The following MYL4 variants were observed in gnomAD, a reference collection of about 807,000 sequenced individuals.
MYL4 encodes atrial myosin light chain 1.
Under a neutral mutation model 21.6 loss-of-function variants are expected in MYL4, and 16 were observed. The observed-to-expected ratio is 0.74, with a 90% CI of 0.50 to 1.12. The LOEUF (loss-of-function observed/expected upper bound fraction) is 1.12. Among genes scored for constraint, MYL4 ranks in the 50% most tolerant of loss-of-function variants. The pLI is 0.00. For missense variants in MYL4, 249 were observed against 252.9 expected, an observed-to-expected ratio of 0.98 and a Z score of 0.11; for synonymous variants, 82 against 95.7, an observed-to-expected ratio of 0.86 and a Z score of 0.83.
Position 47,219,908 on chromosome 17 carries a change from CA to C in MYL4, c.171del (p.Glu58ArgfsTer14), listed in dbSNP as rs2064842059. On this transcript the variant is annotated frameshift_variant, in exon 3 of 7. Transcript: ENST00000393450. LOFTEE classifies it high-confidence loss of function. Reference sequence around the variant, plus strand: ...AGCTGGGTCTTCTCTCCACAGAGTTCAAAGAGGCCTTTTCATTGTTTGACCG... The same window carrying C: ...AGCTGGGTCTTCTCTCCACAGAGTTCAAGAGGCCTTTTCATTGTTTGACCG... ...DFTADQIEEF[K>X]EAFSLFDRTP... 1.2e-6 allele frequency: 2 copies of C among 1,614,212 alleles called. No individual in the cohort carries two copies. The highest frequency in any genetic ancestry group is 4.5e-5 in the East Asian group (2 of 44,882).
upstream of MYL4, chr17:47,200,439 G>C (rs547536945): frequency 2.0e-5 from 3 of 152,118 alleles, no homozygotes; most frequent in Non-Finnish European, 4.4e-5. Flanking sequence ...AGTTCTGCCA[G>C]CTCCCATGGT....
chr17:47,190,347 A>T, the MYL4 span, among the ~76,000 whole-genome samples: 1 of 152,208 alleles, frequency 6.6e-6, no homozygotes. Context: ...TCTAGCATGC[A>T]ATGTAGACTC....
upstream of MYL4, among the ~76,000 whole-genome samples, chr17:47,206,213 G>C (rs778714631): frequency 1.3e-5 from 2 of 152,096 alleles, no homozygotes; most frequent in Non-Finnish European, 2.9e-5. Context: ...CAGTATTTGC[G>C]TGATTTTGGA....
At chr17:47,219,257 G>A (rs1397855129) in intron 2 of MYL4, among the ~76,000 whole-genome samples, 2 of 152,214 alleles carry the variant, frequency 1.3e-5, no homozygotes, top group South Asian at 2.1e-4. Flanking sequence ...TCCACACACT[G>A]CGACCTCCCT....
rs373421058 is a variant in MYL4, at chr17:47,222,410, A to G, written c.518A>G (p.Gln173Arg). The G allele has an allele frequency of 1.6e-5, 26 of 1,614,070 alleles. No homozygotes were observed. The highest frequency in any genetic ancestry group is 2.2e-5 in the Non-Finnish European group (26 of 1,180,032). Residue 173 changes from glutamine to arginine, a missense_variant, in exon 5 of 7, where the codon CAG becomes CGG. Gln to Arg is a conservative substitution (Grantham distance 43). Transcript: ENST00000393450. The stretch of plus-strand genomic sequence containing the variant: ...AAGATGACTGAGGCTGAAGTGGAGC[A>G]GCTGTTAGCTGGGCAAGAGGATGCC... ...GEKMTEAEVE[Q>R]LLAGQEDANG...
rs1157666857 is a variant in MYL4, at chr17:47,222,313, TG to T, written c.488-64del. 5 of 1,446,136 alleles carry T rather than the reference TG, an allele frequency of 3.5e-6. No homozygotes were observed. The Admixed American group carries it at 8.4e-5, about 24-fold the overall frequency. The allele number at this position is 1,446,136 out of a possible 1,614,324, so 89.6% of individuals were successfully genotyped here. A position where few individuals can be genotyped will look rare whatever the true frequency, so the allele number is the denominator to read the frequency against. On this transcript the variant is annotated intron_variant, in intron 4 of 6. Coordinates refer to ENST00000393450, the MANE Select transcript of MYL4 (RefSeq NM_002476.2). Reference sequence around the variant, plus strand: ...GGACCTTCACACTTAAGGGGGTACTTGGGTATTGCCAGTTCCTCCTTTGCCA... The same window carrying T: ...GGACCTTCACACTTAAGGGGGTACTTGGTATTGCCAGTTCCTCCTTTGCCA...
chr17:47,198,001 A>C (rs529548389), upstream of MYL4, among the ~76,000 whole-genome samples: 1 of 152,300 alleles, frequency 6.6e-6, no homozygotes, highest in African/African-American at 2.4e-5. Flanking sequence ...AATAGACCAA[A>C]GGAGCTGTTG....
chr17:47,190,664 T>C, the MYL4 span, among the ~76,000 whole-genome samples: 2 of 152,246 alleles, frequency 1.3e-5, no homozygotes, highest in African/African-American at 2.4e-5. Context: ...GGGCAGGTGC[T>C]AAGATGATTT....
chr17:47,191,392 A>T, the MYL4 span, among the ~76,000 whole-genome samples: 2 of 152,238 alleles, frequency 1.3e-5, no homozygotes, highest in Admixed American at 1.3e-4. Flanking sequence ...ACAGTACTCC[A>T]GATTTATTCT....
intron 2 of MYL4, among the ~76,000 whole-genome samples, chr17:47,219,167 T>C (rs1376138394): frequency 6.6e-6 from 1 of 152,246 alleles, no homozygotes; most frequent in African/African-American, 2.4e-5. Flanking sequence ...TTATCTGGCC[T>C]GGGGGCCGCC....
At chr17:47,224,697 A>G (rs184953640), downstream of MYL4, among the ~76,000 whole-genome samples, 27 of 152,230 alleles carry the variant, frequency 1.8e-4, no homozygotes, top group Admixed American at 8.5e-4. Context: ...ATCATGTCCC[A>G]TTGTATAGGT....
At chr17:47,220,097 C>T (rs755277806) in intron 3 of MYL4, 44 bp downstream of exon 3, 3 of 1,553,220 alleles carry the variant, frequency 1.9e-6, no homozygotes, top group Non-Finnish European at 2.6e-6. Flanking sequence ...GTCAGGCTTG[C>T]AGCCCCTTGG....
At chr17:47,219,361 C>T (rs948708508) in intron 2 of MYL4, among the ~76,000 whole-genome samples, 1 of 152,226 alleles carries the variant, frequency 6.6e-6, no homozygotes, top group Non-Finnish European at 1.5e-5. Flanking sequence ...TTATCCTGCA[C>T]TCTGAGGCAG....
At chr17:47,198,459 T>C (rs1820728817), upstream of MYL4, among the ~76,000 whole-genome samples, 1 of 152,216 alleles carries the variant, frequency 6.6e-6, no homozygotes, top group South Asian at 2.1e-4. Flanking sequence ...GATTATTTGC[T>C]TCTCTCTTTT....
upstream of MYL4, among the ~76,000 whole-genome samples, chr17:47,196,384 C>T (rs897999115): frequency 2.0e-5 from 3 of 152,056 alleles, no homozygotes; most frequent in African/African-American, 4.8e-5. Context: ...TCAAGCCACC[C>T]GGTGTGTGGT....
At chr17:47,222,600 T>G in intron 5 of MYL4, 143 bp downstream of exon 5, 1 of 705,744 alleles carries the variant, frequency 1.4e-6, no homozygotes, top group Non-Finnish European at 2.4e-6. Flanking sequence ...CTGTTCCATC[T>G]TGTGAGTGAA....
downstream of MYL4, among the ~76,000 whole-genome samples, chr17:47,225,855 C>CTTTT (rs60342000): frequency 6.8e-3 from 774 of 113,140 alleles, 9 homozygotes; most frequent in African/African-American, 0.025. Flanking sequence ...TCCTTCCCTT[C>CTTTT]TTTTTTTTTT....
At chr17:47,192,652 A>G in the MYL4 span, among the ~76,000 whole-genome samples, 2 of 151,876 alleles carry the variant, frequency 1.3e-5, no homozygotes, top group African/African-American at 4.8e-5. Flanking sequence ...TGTGTCTCAA[A>G]AAAAAAAAAG....
At chr17:47,222,925 A>G (rs530715884) in intron 5 of MYL4, 89 bp from the exon 6 acceptor site, 1 of 1,495,000 alleles carries the variant, frequency 6.7e-7, no homozygotes, top group African/African-American at 1.4e-5. Context: ...CAGGAGGGTT[A>G]GAAGTCAGGC....
Sources: allele counts gnomAD v4.1 joint callset (sites outside exome capture counted in the v4.1 genomes callset), GRCh38; gene constraint gnomAD v4.1.1; transcripts MANE v1.5; gene names NCBI Gene and HGNC (gene_info 2026-07-23, HGNC 2026-07-21).